The following RPS23 variants were observed in gnomAD, a reference collection of about 807,000 sequenced individuals.
RPS23 encodes the protein small ribosomal subunit protein uS12.
For missense variants in RPS23, 73 were observed against 174.5 expected, an observed-to-expected ratio of 0.42 and a Z score of 3.28; for synonymous variants, 66 against 60.4, an observed-to-expected ratio of 1.09 and a Z score of -0.43.
At chr5:82,278,240 A>T in intron 1 of RPS23, 80 bp downstream of exon 1, 1 of 1,424,676 alleles carries the variant, frequency 7.0e-7, no homozygotes, top group Non-Finnish European at 9.6e-7. Flanking sequence ...CCCCCGCCCT[A>T]CTCTATTCGC....
intron 2 of RPS23, 41 bp downstream of exon 2, chr5:82,277,652 T>C: frequency 6.3e-7 from 1 of 1,594,896 alleles, no homozygotes; most frequent in South Asian, 1.1e-5. Context: ...TGTCTCGAAT[T>C]CCTATAATAA....
intron 2 of RPS23, chr5:82,277,409 T>A (rs1747889775): frequency 4.6e-6 from 2 of 433,908 alleles, no homozygotes; most frequent in South Asian, 4.6e-5. Context: ...CATTTACTTA[T>A]AACAACTCCC....
At position 82,278,324 on chromosome 5, in the gene RPS23, C is replaced by T. The variant is rs758135308; in HGVS notation, c.-1G>A. The stretch of plus-strand genomic sequence containing the variant: ...AAACCGGCCACAACAGCTCACCCAT[C>T]CTGTCGGCGCCACGGGCCTGAGCGA... On this transcript the variant is annotated 5_prime_UTR_variant, in exon 1 of 4. Transcript: ENST00000296674. The T allele has an allele frequency of 3.7e-5, 60 of 1,609,958 alleles. No individual in the cohort carries two copies. Among genetic ancestry groups the T allele is most frequent in the Non-Finnish European group, 4.9e-5 (58 of 1,178,444 alleles).
At chr5:82,278,181 C>T in intron 1 of RPS23, 139 bp downstream of exon 1, 1 of 851,260 alleles carries the variant, frequency 1.2e-6, no homozygotes, top group Non-Finnish European at 1.9e-6. Flanking sequence ...CACGTGCCTC[C>T]TGGAGCGGCG....
chr5:82,278,329 C>A lies in RPS23; in HGVS notation c.-6G>T. On this transcript the variant is annotated 5_prime_UTR_variant, in exon 1 of 4. Transcript: ENST00000296674. ...GGCCACAACAGCTCACCCATCCTGTCGGCGCCACGGGCCTGAGCGAAAGAG... is the reference window on the plus strand; with the variant it reads ...GGCCACAACAGCTCACCCATCCTGTAGGCGCCACGGGCCTGAGCGAAAGAG... The A allele has an allele frequency of 6.2e-7, 1 of 1,609,596 alleles. No individual in the cohort carries two copies. The highest frequency in any genetic ancestry group is 1.3e-5 in the African/African-American group (1 of 74,830).
intron 1 of RPS23, 172 bp downstream of exon 1, chr5:82,278,148 C>G: frequency 1.1e-6 from 1 of 884,162 alleles, no homozygotes; most frequent in Non-Finnish European, 1.7e-6. Context: ...CTCCACGCCT[C>G]ATGGGCCCCT....
rs1215505518 is a variant in RPS23, at chr5:82,278,327, G to A, written c.-4C>T. Reference sequence around the variant, plus strand: ...CCGGCCACAACAGCTCACCCATCCTGTCGGCGCCACGGGCCTGAGCGAAAG... The same window carrying A: ...CCGGCCACAACAGCTCACCCATCCTATCGGCGCCACGGGCCTGAGCGAAAG... On this transcript the variant is annotated 5_prime_UTR_variant, in exon 1 of 4. Transcript: ENST00000296674. The A allele has an allele frequency of 2.5e-6, 4 of 1,610,072 alleles. No individual in the cohort carries two copies. The highest frequency in any genetic ancestry group is 1.1e-5 in the South Asian group (1 of 90,296).
chr5:82,276,806 C>T (rs1243853468), intron 2 of RPS23: 9 of 292,914 alleles, frequency 3.1e-5, no homozygotes, highest in East Asian at 5.6e-5. Context: ...ATGCCTAGAA[C>T]GTCAAGATGG....
intron 2 of RPS23, chr5:82,277,301 C>A (rs1747876082): frequency 4.6e-6 from 1 of 216,990 alleles, no homozygotes; most frequent in Non-Finnish European, 9.1e-6. Flanking sequence ...AGTTTCATGT[C>A]TCAATCTTAG....
rs975132663 is a variant in RPS23, at chr5:82,275,937, T to C, written c.*172A>G. 4 of 617,240 alleles carry C rather than the reference T, an allele frequency of 6.5e-6. No homozygotes were observed. The highest frequency in any genetic ancestry group is 4.4e-5 in the South Asian group (2 of 45,658). The allele number at this position is 617,240 out of a possible 1,614,324, so 38.2% of individuals were successfully genotyped here. A position where few individuals can be genotyped will look rare whatever the true frequency, so the allele number is the denominator to read the frequency against. The stretch of plus-strand genomic sequence containing the variant: ...AGAATCCTGAAACAACCCTGTCTTA[T>C]TGTCTCCTAAAATTGGTACAGGTCC... On this transcript the variant is annotated 3_prime_UTR_variant, in exon 4 of 4. Coordinates refer to ENST00000296674, the MANE Select transcript of RPS23 (RefSeq NM_001025.5).
rs1242574220 is a variant in RPS23, at chr5:82,275,211, TTTG to T, written c.*895_*897del. The T allele has an allele frequency of 2.8e-6, 2 of 702,468 alleles. No individual in the cohort carries two copies. The highest frequency in any genetic ancestry group is 2.7e-5 in the East Asian group (1 of 37,294). The allele number at this position is 702,468 out of a possible 1,614,324, so 43.5% of individuals were successfully genotyped here. ...AGGGCTAATTAACCCATACTTACTA[TTTG>T]TTAACAGGAGTTTCTTACATCAGAT... is the stretch of plus-strand genomic sequence containing the variant. On this transcript the variant is annotated 3_prime_UTR_variant, in exon 4 of 4. Transcript: ENST00000296674.
rs1199467412 is a variant in RPS23 at position 82,275,734 on chromosome 5, G to A, written c.*375C>T. 1 of 246,080 alleles carries A rather than the reference G, an allele frequency of 4.1e-6. No homozygotes were observed. The highest frequency in any genetic ancestry group is 7.7e-6 in the Non-Finnish European group (1 of 129,756). 15.2% of individuals were successfully genotyped at this position (246,080 alleles called of 1,614,324 possible). ...GTAACTGAAGTGTTGCACCCGATATGGAAAATACCAAGAATAAAAAAGAAA... is the reference window on the plus strand; with the variant it reads ...GTAACTGAAGTGTTGCACCCGATATAGAAAATACCAAGAATAAAAAAGAAA... On this transcript the variant is annotated 3_prime_UTR_variant, in exon 4 of 4. Coordinates refer to ENST00000296674, the MANE Select transcript of RPS23 (RefSeq NM_001025.5).
Position 82,276,362 on chromosome 5 carries a change from CAAG to C in RPS23, c.285+33_285+35del, listed in dbSNP as rs1329658772. The C allele has an allele frequency of 4.3e-6, 7 of 1,613,536 alleles. No individual in the cohort carries two copies. In the South Asian group the frequency reaches 5.5e-5, roughly 13 times the overall value. On this transcript the variant is annotated intron_variant, in intron 3 of 3. Coordinates refer to ENST00000296674, the MANE Select transcript of RPS23 (RefSeq NM_001025.5). ...GATAAAAATGTGAGGGAGGCCACCCCAAGAACAGAAGGTACGATAGAGTTGAAA... is the reference window on the plus strand; with the variant it reads ...GATAAAAATGTGAGGGAGGCCACCCCAACAGAAGGTACGATAGAGTTGAAA...
rs926750941 is a variant in RPS23, at chr5:82,274,377, A to T, written c.*1732T>A. On this transcript the variant is annotated 3_prime_UTR_variant, in exon 4 of 4. Transcript: ENST00000296674. The stretch of plus-strand genomic sequence containing the variant: ...AGGCGCCGGAGATTATTTATGGGTC[A>T]ATCTGGCAGCCCCTGGGCCTCAGGT... 7 of 152,346 alleles carry T rather than the reference A, an allele frequency of 4.6e-5. No individual in the cohort carries two copies. The highest frequency in any genetic ancestry group is 1.7e-4 in the African/African-American group (7 of 41,442). The allele number at this position is 152,346 out of a possible 1,614,324, so 9.4% of individuals were successfully genotyped here. A position where few individuals can be genotyped will look rare whatever the true frequency, so the allele number is the denominator to read the frequency against.
chr5:82,278,230 C>A (rs1748004495), intron 1 of RPS23, 90 bp downstream of exon 1: 17 of 866,180 alleles, frequency 2.0e-5, no homozygotes, highest in Admixed American at 1.6e-4. Flanking sequence ...TCCATGGCAT[C>A]CCCCGCCCTA....
At chr5:82,278,118 G>A in intron 1 of RPS23, 1 of 717,024 alleles carries the variant, frequency 1.4e-6, no homozygotes, top group Non-Finnish European at 2.3e-6. Flanking sequence ...TGCGTCCCTC[G>A]GTACCCCGAC....
Position 82,278,332 on chromosome 5 carries a change from C to G in RPS23, c.-9G>C. On this transcript the variant is annotated 5_prime_UTR_variant, in exon 1 of 4. Coordinates refer to ENST00000296674, the MANE Select transcript of RPS23 (RefSeq NM_001025.5). Reference sequence around the variant, plus strand: ...CACAACAGCTCACCCATCCTGTCGGCGCCACGGGCCTGAGCGAAAGAGAGA... The same window carrying G: ...CACAACAGCTCACCCATCCTGTCGGGGCCACGGGCCTGAGCGAAAGAGAGA... 2 of 1,609,332 alleles carry G rather than the reference C, an allele frequency of 1.2e-6. No homozygotes were observed. Among genetic ancestry groups the G allele is most frequent in the Non-Finnish European group, 1.7e-6 (2 of 1,178,230 alleles).
rs1426406844 is a variant in RPS23 at position 82,274,979 on chromosome 5, A to AG, written c.*1129dup. ...AGGCTGGATATGGAACCCAAGTTTG[A>AG]GGATGACCAACTGAGACCAGTGTTG... is the stretch of plus-strand genomic sequence containing the variant. On this transcript the variant is annotated 3_prime_UTR_variant, in exon 4 of 4. Transcript: ENST00000296674. 4.0e-6 allele frequency: 2 copies of AG among 498,936 alleles called. No homozygotes were observed. Among genetic ancestry groups the AG allele is most frequent in the African/African-American group, 1.9e-5 (1 of 52,006 alleles). 30.9% of individuals were successfully genotyped at this position (498,936 alleles called of 1,614,324 possible).
Position 82,277,178 on chromosome 5 carries a change from C to CA in RPS23, c.164+514dup, listed in dbSNP as rs71000896. 5.2e-3 allele frequency among the ~76,000 whole-genome samples: 431 copies of CA among 82,336 alleles called. 11 individuals are homozygous for CA. Among genetic ancestry groups the CA allele is most frequent in the Non-Finnish European group, 7.6e-3 (343 of 45,114 alleles). 54.0% of individuals were successfully genotyped at this position (82,336 alleles called of 152,430 possible). ...CCTGGGTGACAGAGCTAGACTGTCT[C>CA]AAAAAAAAAAAAAAAAAAAAAAAAA... On this transcript the variant is annotated intron_variant, in intron 2 of 3. Coordinates refer to ENST00000296674, the MANE Select transcript of RPS23 (RefSeq NM_001025.5).
Sources: gnomAD v4.1 joint callset for allele counts (sites outside exome capture counted in the v4.1 genomes callset) on GRCh38, gnomAD v4.1.1 for gene constraint, MANE v1.5 for transcripts, NCBI Gene and HGNC (gene_info 2026-07-23, HGNC 2026-07-21) for gene names.